The following RSU1 variants were observed in gnomAD, a reference collection of about 807,000 sequenced individuals.
The protein encoded by RSU1 is rsu-1.
A neutral mutation model predicts 31.1 loss-of-function variants in RSU1; 26 were observed. That is an observed-to-expected ratio of 0.84 (90% CI 0.61 to 1.16). The LOEUF (loss-of-function observed/expected upper bound fraction) is 1.16. RSU1 is among the 50% of genes most tolerant of loss of function. RSU1 has a pLI of 0.00. For missense variants in RSU1, 320 were observed against 339.1 expected (o/e 0.94, Z 0.44); for synonymous variants, 164 against 136.3 (o/e 1.20, Z -1.41).
intron 8 of RSU1, among the ~76,000 whole-genome samples, chr10:16,678,451 T>G (rs568103041): frequency 3.2e-4 from 49 of 152,356 alleles, no homozygotes; most frequent in African/African-American, 1.1e-3. Flanking sequence ...GATTCGGGAC[T>G]CATTTTACGA....
chr10:16,783,190 C>T (rs552804973), intron 2 of RSU1, among the ~76,000 whole-genome samples: 1 of 152,156 alleles, frequency 6.6e-6, no homozygotes, highest in East Asian at 1.9e-4. Context: ...GGATTACAGG[C>T]ATCAGCCACT....
chr10:16,795,830 C>T (rs7098103), intron 2 of RSU1, among the ~76,000 whole-genome samples: 1 of 151,958 alleles, frequency 6.6e-6, no homozygotes. Context: ...TTCAACCCCC[C>T]GGACCCCTAA....
chr10:16,607,016 C>G (rs951341864), intron 8 of RSU1, among the ~76,000 whole-genome samples: 10 of 152,182 alleles, frequency 6.6e-5, no homozygotes, highest in Non-Finnish European at 1.3e-4. Context: ...CCCACCAAAT[C>G]TCATGTAGAA....
chr10:16,761,045 G>A (rs1455810219), intron 4 of RSU1, among the ~76,000 whole-genome samples: 2 of 152,116 alleles, frequency 1.3e-5, no homozygotes, highest in Admixed American at 6.6e-5. Context: ...GGGTTCAAAC[G>A]ATTCTCCTGC....
intron 2 of RSU1, among the ~76,000 whole-genome samples, chr10:16,815,860 AAG>A (rs1387490937): frequency 4.6e-5 from 7 of 152,312 alleles, no homozygotes; most frequent in African/African-American, 1.7e-4. Context: ...ACGACTGAGA[AAG>A]AGGGAAAACA....
chr10:16,679,463 A>T (rs767616169), intron 8 of RSU1, among the ~76,000 whole-genome samples: 40 of 152,172 alleles, frequency 2.6e-4, no homozygotes, highest in Non-Finnish European at 5.0e-4. Flanking sequence ...TACTAATGAA[A>T]GTAGAGGCCC....
chr10:16,644,482 G>A (rs1253421284), intron 8 of RSU1, among the ~76,000 whole-genome samples: 1 of 152,168 alleles, frequency 6.6e-6, no homozygotes, highest in Non-Finnish European at 1.5e-5. Context: ...TCAAAGTAGT[G>A]CTTGGATATA....
chr10:16,806,773 G>C (rs1211682588), intron 2 of RSU1, among the ~76,000 whole-genome samples: 1 of 152,054 alleles, frequency 6.6e-6, no homozygotes, highest in African/African-American at 2.4e-5. Flanking sequence ...TATTTATTTT[G>C]AAAGAGTCTC....
chr10:16,784,488 G>T (rs1837728396), intron 2 of RSU1, among the ~76,000 whole-genome samples: 1 of 152,148 alleles, frequency 6.6e-6, no homozygotes, highest in African/African-American at 2.4e-5. Context: ...GGAGACCTCA[G>T]GGAACTTATG....
At chr10:16,628,054 G>C (rs150859894) in intron 8 of RSU1, among the ~76,000 whole-genome samples, 1 of 152,202 alleles carries the variant, frequency 6.6e-6, no homozygotes, top group African/African-American at 2.4e-5. Context: ...AGAAGGGAGA[G>C]AGATTTTTCC....
At chr10:16,770,958 A>T (rs1356613312) in intron 3 of RSU1, among the ~76,000 whole-genome samples, 6 of 53,056 alleles carry the variant, frequency 1.1e-4, no homozygotes, top group African/African-American at 3.2e-4. Context: ...ATTGCTATTT[A>T]AAAAAAAAAA....
chr10:16,686,525 TTGGAGTA>T (rs756165531), intron 8 of RSU1, among the ~76,000 whole-genome samples: 17 of 152,206 alleles, frequency 1.1e-4, no homozygotes, highest in Non-Finnish European at 2.4e-4. Flanking sequence ...TATGGGTTTT[TTGGAGTA>T]TGGATGGAGT....
intron 8 of RSU1, among the ~76,000 whole-genome samples, chr10:16,656,492 A>C (rs1834781769): frequency 1.3e-5 from 2 of 152,216 alleles, no homozygotes; most frequent in Admixed American, 6.5e-5. Flanking sequence ...CCTTACGTAC[A>C]AAATAAAGAG....
chr10:16,608,190 T>A (rs1271383837), intron 8 of RSU1, among the ~76,000 whole-genome samples: 1 of 152,176 alleles, frequency 6.6e-6, no homozygotes, highest in African/African-American at 2.4e-5. Flanking sequence ...GCCCATGGAT[T>A]TTCTGGAAGG....
chr10:16,675,283 A>T (rs1246943627), intron 8 of RSU1, among the ~76,000 whole-genome samples: 1 of 151,932 alleles, frequency 6.6e-6, no homozygotes, highest in Non-Finnish European at 1.5e-5. Flanking sequence ...GAAAATCAGG[A>T]GGTAACAGAC....
At chr10:16,602,870 T>C (rs943526945) in intron 8 of RSU1, among the ~76,000 whole-genome samples, 2 of 152,310 alleles carry the variant, frequency 1.3e-5, no homozygotes, top group African/African-American at 4.8e-5. Flanking sequence ...GTGGACAAAG[T>C]GTGAAGCCGA....
At chr10:16,706,869 T>C (rs1373012581) in intron 7 of RSU1, among the ~76,000 whole-genome samples, 1 of 152,040 alleles carries the variant, frequency 6.6e-6, no homozygotes, top group African/African-American at 2.4e-5. Context: ...CCAACATCTC[T>C]GCACCCTTCC....
At chr10:16,674,405 T>G (rs1183567444) in intron 8 of RSU1, among the ~76,000 whole-genome samples, 1 of 151,974 alleles carries the variant, frequency 6.6e-6, no homozygotes, top group Non-Finnish European at 1.5e-5. Flanking sequence ...GAAGGTTTTT[T>G]TTTTTTTTTT....
chr10:16,723,660 C>T (rs146454191), intron 7 of RSU1, among the ~76,000 whole-genome samples: 38 of 152,286 alleles, frequency 2.5e-4, no homozygotes, highest in African/African-American at 9.1e-4. Flanking sequence ...GTTAATCAGC[C>T]TCCAAGAAGA....
Sources: allele counts gnomAD v4.1 joint callset (sites outside exome capture counted in the v4.1 genomes callset), GRCh38; gene constraint gnomAD v4.1.1; transcripts MANE v1.5; gene names NCBI Gene and HGNC (gene_info 2026-07-23, HGNC 2026-07-21).